Variants in RSRC1 observed in about 807,000 individuals in gnomAD.
The protein encoded by RSRC1 is serine/Arginine-related protein 53.
RSRC1 carries 39 observed loss-of-function variants against 49.1 expected under a neutral mutation model. The observed-to-expected ratio is 0.79, with a 90% CI of 0.61 to 1.04. The LOEUF (loss-of-function observed/expected upper bound fraction) is 1.04, where lower values mean the gene tolerates loss of function less well. Among genes scored for constraint, RSRC1 ranks in the 50% least tolerant of loss-of-function variants. RSRC1 has a pLI of 0.00. For missense variants in RSRC1, 388 were observed against 402.4 expected (o/e 0.96, Z 0.31); for synonymous variants, 143 against 130.8 (o/e 1.09, Z -0.63).
At chr3:158,524,436 A>G (rs1711882690) in intron 7 of RSRC1, among the ~76,000 whole-genome samples, 1 of 152,070 alleles carries the variant, frequency 6.6e-6, no homozygotes. Flanking sequence ...TAAACTTATC[A>G]TAAGGCATCA....
At chr3:158,110,918 A>C (rs979357497) in intron 1 of RSRC1, among the ~76,000 whole-genome samples, 2 of 152,144 alleles carry the variant, frequency 1.3e-5, no homozygotes, top group Admixed American at 1.3e-4. Flanking sequence ...TTTTAGGTTA[A>C]CCTTGACGTA....
At position 158,244,033 on chromosome 3, in the gene RSRC1, G is replaced by A. The variant is rs1236485118; in HGVS notation, c.494+40788G>A. ...AGTTCCTTTCTAGCTATTTGAAGTGGGGTTTTTTTTTATATATAGGATTAC... is the reference window on the plus strand; with the variant it reads ...AGTTCCTTTCTAGCTATTTGAAGTGAGGTTTTTTTTTATATATAGGATTAC... On this transcript the variant is annotated intron_variant, in intron 4 of 9. Transcript: ENST00000611884. Among the ~76,000 whole-genome samples the A allele has an allele frequency of 3.9e-5, 3 of 76,374 alleles. No individual in the cohort carries two copies. In the South Asian group the frequency reaches 1.1e-3, roughly 28 times the overall value. 50.1% of individuals were successfully genotyped at this position (76,374 alleles called of 152,430 possible).
intron 3 of RSRC1, among the ~76,000 whole-genome samples, chr3:158,159,699 G>C (rs1011622939): frequency 3.9e-5 from 6 of 151,988 alleles, no homozygotes; most frequent in African/African-American, 9.7e-5. Flanking sequence ...CTTACATAGA[G>C]CTCACTAAAT....
chr3:158,217,851 G>C (rs1372231196), intron 4 of RSRC1, among the ~76,000 whole-genome samples: 1 of 151,348 alleles, frequency 6.6e-6, no homozygotes, highest in Non-Finnish European at 1.5e-5. Flanking sequence ...GTAGTGCTTT[G>C]AGCAGAATAT....
chr3:158,331,731 T>C (rs1729557081), intron 5 of RSRC1, among the ~76,000 whole-genome samples: 1 of 151,886 alleles, frequency 6.6e-6, no homozygotes, highest in Non-Finnish European at 1.5e-5. Context: ...TATTGGAATA[T>C]TTTTTTCCTC....
At chr3:158,230,138 G>T (rs1256801884) in intron 4 of RSRC1, among the ~76,000 whole-genome samples, 1 of 151,872 alleles carries the variant, frequency 6.6e-6, no homozygotes, top group African/African-American at 2.4e-5. Flanking sequence ...ATTTTTTAAG[G>T]TATAGCCTGG....
intron 4 of RSRC1, among the ~76,000 whole-genome samples, chr3:158,288,470 T>C (rs1726709601): frequency 6.6e-6 from 1 of 152,158 alleles, no homozygotes; most frequent in African/African-American, 2.4e-5. Context: ...CTGGCCTCAG[T>C]TGGAAAGAGA....
At chr3:158,275,941 C>A in intron 4 of RSRC1, 1 of 735,368 alleles carries the variant, frequency 1.4e-6, no homozygotes, top group Non-Finnish European at 2.4e-6. Flanking sequence ...TGAGCCCACA[C>A]ATTTCCCTGT....
At chr3:158,354,108 A>G (rs1031060100) in intron 5 of RSRC1, among the ~76,000 whole-genome samples, 4 of 142,420 alleles carry the variant, frequency 2.8e-5, no homozygotes, top group Non-Finnish European at 6.0e-5. Context: ...CTCCTGCCTC[A>G]GCCTCCCAAG....
At chr3:158,284,651 G>A (rs1726399627) in intron 4 of RSRC1, among the ~76,000 whole-genome samples, 2 of 149,780 alleles carry the variant, frequency 1.3e-5, no homozygotes, top group African/African-American at 2.5e-5. Context: ...CAGTGATGGT[G>A]AGCATTTTTT....
chr3:158,142,430 A>G (rs1716804023), intron 3 of RSRC1, among the ~76,000 whole-genome samples: 1 of 152,178 alleles, frequency 6.6e-6, no homozygotes, highest in Non-Finnish European at 1.5e-5. Context: ...TTTCGTACCA[A>G]CGGTTAGTCC....
intron 4 of RSRC1, chr3:158,276,521 T>C (rs776572489): frequency 3.8e-5 from 21 of 553,776 alleles, no homozygotes; most frequent in Middle Eastern, 4.7e-4. Flanking sequence ...ACCCCTCTTT[T>C]CTCAAACTCT....
At chr3:158,293,222 G>C (rs1472988689) in intron 4 of RSRC1, among the ~76,000 whole-genome samples, 1 of 151,892 alleles carries the variant, frequency 6.6e-6, no homozygotes. Context: ...ATATACTTAA[G>C]TCCCTGACTC....
chr3:158,285,513 C>T (rs549547263), intron 4 of RSRC1, among the ~76,000 whole-genome samples: 28 of 152,174 alleles, frequency 1.8e-4, no homozygotes, highest in Non-Finnish European at 3.7e-4. Context: ...ATTGATTCTT[C>T]CTACCCATGA....
At chr3:158,445,288 A>T (rs548284066) in intron 6 of RSRC1, among the ~76,000 whole-genome samples, 1 of 152,174 alleles carries the variant, frequency 6.6e-6, no homozygotes, top group Non-Finnish European at 1.5e-5. Context: ...GATTAAGACA[A>T]TGTGGCACAT....
intron 5 of RSRC1, among the ~76,000 whole-genome samples, chr3:158,302,051 G>T (rs1189560710): frequency 2.7e-5 from 3 of 111,680 alleles, no homozygotes; most frequent in African/African-American, 7.3e-5. Context: ...GTATTCTTTT[G>T]TTTTCCTTTT....
intron 4 of RSRC1, among the ~76,000 whole-genome samples, chr3:158,266,939 T>C (rs1014919651): frequency 6.6e-6 from 1 of 152,124 alleles, no homozygotes; most frequent in Non-Finnish European, 1.5e-5. Flanking sequence ...AATTTTTGTA[T>C]TTTTTGTAGA....
At chr3:158,256,870 A>C (rs1309966352) in intron 4 of RSRC1, among the ~76,000 whole-genome samples, 1 of 151,992 alleles carries the variant, frequency 6.6e-6, no homozygotes, top group Non-Finnish European at 1.5e-5. Context: ...AGGTGTTTAT[A>C]GTATTCTCTG....
intron 7 of RSRC1, 110 bp downstream of exon 7, chr3:158,461,113 G>C (rs1737587696): frequency 3.2e-6 from 2 of 630,722 alleles, no homozygotes; most frequent in South Asian, 2.8e-5. Flanking sequence ...GCTGTTTCAT[G>C]AACCAAAACT....
Sources: gnomAD v4.1 joint callset for allele counts (sites outside exome capture counted in the v4.1 genomes callset) on GRCh38, gnomAD v4.1.1 for gene constraint, MANE v1.5 for transcripts, NCBI Gene and HGNC (gene_info 2026-07-23, HGNC 2026-07-21) for gene names.